The following SV2C variants were observed in gnomAD, a reference collection of about 807,000 sequenced individuals.
SV2C encodes solute carrier family 22 member B3.
A neutral mutation model predicts 79.7 loss-of-function variants in SV2C; 49 were observed. The observed-to-expected ratio is 0.61, with a 90% CI of 0.49 to 0.78. SV2C has a LOEUF of 0.78. SV2C is among the 30% of genes least tolerant of loss of function. SV2C has a pLI of 0.00. For missense variants in SV2C, 833 were observed against 912.9 expected (o/e 0.91, Z 1.13); for synonymous variants, 334 against 333.2 (o/e 1.00, Z -0.03).
the SV2C span, among the ~76,000 whole-genome samples, chr5:75,964,524 C>G: frequency 6.6e-6 from 1 of 152,112 alleles, no homozygotes; most frequent in African/African-American, 2.4e-5. Flanking sequence ...TCGGTAAGCT[C>G]CACTCCCTCC....
chr5:75,954,939 G>T, the SV2C span, among the ~76,000 whole-genome samples: 2 of 148,138 alleles, frequency 1.4e-5, no homozygotes, highest in East Asian at 2.0e-4. Flanking sequence ...TGGGTAGGAA[G>T]AATCAATATC....
chr5:76,304,057 C>A (rs1748103626), intron 12 of SV2C, among the ~76,000 whole-genome samples: 2 of 152,196 alleles, frequency 1.3e-5, no homozygotes, highest in African/African-American at 4.8e-5. Flanking sequence ...CAGTAATAGT[C>A]CTGTCAGGTC....
intron 1 of SV2C, among the ~76,000 whole-genome samples, chr5:76,087,763 T>C (rs1365956965): frequency 6.6e-6 from 1 of 152,326 alleles, no homozygotes; most frequent in African/African-American, 2.4e-5. Context: ...AGCTATGTTT[T>C]CCTCCTTAAT....
the SV2C span, among the ~76,000 whole-genome samples, chr5:75,960,281 C>T: frequency 1.3e-5 from 2 of 151,948 alleles, no homozygotes; most frequent in African/African-American, 4.8e-5. Context: ...TGTTGCTCTG[C>T]TCTTTTATGG....
At chr5:76,275,141 G>A (rs1486157633) in intron 4 of SV2C, among the ~76,000 whole-genome samples, 1 of 152,118 alleles carries the variant, frequency 6.6e-6, no homozygotes, top group Admixed American at 6.5e-5. Context: ...CCTAAAATCT[G>A]CATTCCTACC....
the SV2C span, among the ~76,000 whole-genome samples, chr5:75,932,381 T>G: frequency 6.6e-6 from 1 of 152,214 alleles, no homozygotes; most frequent in African/African-American, 2.4e-5. Flanking sequence ...CAAGACCAGC[T>G]CGGTTGTGGA....
At chr5:76,036,382 C>A in the SV2C span, among the ~76,000 whole-genome samples, 1 of 152,138 alleles carries the variant, frequency 6.6e-6, no homozygotes. Context: ...GCAGCTGGTA[C>A]TGGTTTTTCC....
intron 8 of SV2C, among the ~76,000 whole-genome samples, chr5:76,294,024 C>T (rs950254159): frequency 5.3e-5 from 8 of 152,166 alleles, no homozygotes; most frequent in Non-Finnish European, 7.3e-5. Flanking sequence ...CAAACTTGAA[C>T]GTGCATCAGA....
At chr5:76,165,429 C>T (rs1743017415) in intron 2 of SV2C, among the ~76,000 whole-genome samples, 1 of 152,094 alleles carries the variant, frequency 6.6e-6, no homozygotes, top group African/African-American at 2.4e-5. Flanking sequence ...TATAACCTCA[C>T]CAGTACAACC....
upstream of SV2C, chr5:76,079,585 G>C (rs1031638181): frequency 6.1e-6 from 2 of 327,704 alleles, no homozygotes; most frequent in Non-Finnish European, 1.2e-5. Flanking sequence ...TGAATGTATT[G>C]AAACAGGATG....
chr5:75,874,167 C>T, the SV2C span, among the ~76,000 whole-genome samples: 1 of 152,114 alleles, frequency 6.6e-6, no homozygotes, highest in Non-Finnish European at 1.5e-5. Context: ...AAAATACTTG[C>T]AAACTGAATT....
the SV2C span, among the ~76,000 whole-genome samples, chr5:75,943,147 A>G: frequency 3.9e-5 from 6 of 152,240 alleles, no homozygotes; most frequent in Non-Finnish European, 5.9e-5. Flanking sequence ...AAAGTGAAAG[A>G]TAACAAAGAG....
intron 2 of SV2C, among the ~76,000 whole-genome samples, chr5:76,141,588 C>T (rs62363483): frequency 0.41 from 61,876 of 151,768 alleles, 14,672 homozygotes; most frequent in Non-Finnish European, 0.54. Context: ...CTTTGGGAGG[C>T]CAAGGCAGGT....
chr5:75,898,923 G>A, the SV2C span, among the ~76,000 whole-genome samples: 2 of 152,026 alleles, frequency 1.3e-5, no homozygotes, highest in African/African-American at 2.4e-5. Flanking sequence ...TATCCCCTTT[G>A]TCATTTTTTA....
At position 76,216,236 on chromosome 5, in the gene SV2C, G is replaced by A. The variant is rs115908036; in HGVS notation, c.913+6349G>A. ...TGCTATCAGAGTTGAAATTTTCCCC[G>A]GAGACAGATGGTTGCTAACATCTGA... On this transcript the variant is annotated intron_variant, in intron 4 of 12. Coordinates refer to ENST00000502798, the MANE Select transcript of SV2C (RefSeq NM_014979.4). Among the ~76,000 whole-genome samples, 915 of 152,140 alleles carry A rather than the reference G, an allele frequency of 6.0e-3. 10 individuals carry two copies. The highest frequency in any genetic ancestry group is 0.021 in the African/African-American group (861 of 41,502).
intron 2 of SV2C, among the ~76,000 whole-genome samples, chr5:76,152,611 T>A (rs1749638118): frequency 6.6e-6 from 1 of 152,192 alleles, no homozygotes; most frequent in Non-Finnish European, 1.5e-5. Context: ...ATAGCAATTA[T>A]AATGTGGTAC....
At chr5:76,017,519 T>C in the SV2C span, among the ~76,000 whole-genome samples, 4 of 152,180 alleles carry the variant, frequency 2.6e-5, no homozygotes, top group African/African-American at 4.8e-5. Context: ...CTTCAAGTGG[T>C]CCACCTGCTT....
intron 4 of SV2C, among the ~76,000 whole-genome samples, chr5:76,259,193 C>T (rs2112454007): frequency 6.6e-6 from 1 of 152,262 alleles, no homozygotes; most frequent in African/African-American, 2.4e-5. Flanking sequence ...TTTCATTTCT[C>T]TTGGATAAAT....
At chr5:76,133,593 G>C (rs967999581) in intron 2 of SV2C, among the ~76,000 whole-genome samples, 1 of 152,102 alleles carries the variant, frequency 6.6e-6, no homozygotes, top group Non-Finnish European at 1.5e-5. Context: ...AAAATAAATG[G>C]ATCCATGAAA....
Sources: gnomAD v4.1 joint callset for allele counts (sites outside exome capture counted in the v4.1 genomes callset) on GRCh38, gnomAD v4.1.1 for gene constraint, MANE v1.5 for transcripts, NCBI Gene and HGNC (gene_info 2026-07-23, HGNC 2026-07-21) for gene names.